Variants in PLCH2 observed in about 807,000 individuals in gnomAD.
PLCH2 encodes the protein phospholipase C eta 2.
A neutral mutation model predicts 134.7 loss-of-function variants in PLCH2; 98 were observed. The ratio of observed to expected loss-of-function variants is 0.73; its 90% CI spans 0.62 to 0.86. PLCH2 has a LOEUF of 0.86. PLCH2 is among the 40% of genes least tolerant of loss of function. The pLI, the probability that PLCH2 is intolerant of heterozygous loss-of-function variation, is 0.00. For missense variants in PLCH2, 1,994 were observed against 1,986.6 expected (o/e 1.00, Z -0.07); for synonymous variants, 974 against 827.5 (o/e 1.18, Z -3.04).
At chr1:2,481,300 T>G (rs1471115788) in intron 4 of PLCH2, among the ~76,000 whole-genome samples, 1 of 152,226 alleles carries the variant, frequency 6.6e-6, no homozygotes, top group African/African-American at 2.4e-5. Context: ...CTCTGGGGAC[T>G]GCCCGGGGCT....
At chr1:2,436,438 T>A (rs201004008) in intron 2 of PLCH2, among the ~76,000 whole-genome samples, 266 of 21,290 alleles carry the variant, frequency 0.012, 58 homozygotes, top group East Asian at 0.063. Context: ...TTCTCCCTCC[T>A]CCCTTCCTCC....
At chr1:2,436,764 G>A (rs1207536917) in intron 2 of PLCH2, among the ~76,000 whole-genome samples, 1 of 152,234 alleles carries the variant, frequency 6.6e-6, no homozygotes, top group South Asian at 2.1e-4. Context: ...CTGGCACTGA[G>A]TGGGCATATG....
At chr1:2,499,886 G>A in intron 20 of PLCH2, 166 bp downstream of exon 20, 1 of 641,468 alleles carries the variant, frequency 1.6e-6, no homozygotes, top group Non-Finnish European at 2.8e-6. Flanking sequence ...GCTGCTGTGG[G>A]GGCCTGGCTC....
intron 11 of PLCH2, among the ~76,000 whole-genome samples, chr1:2,492,789 G>A (rs969098315): frequency 1.5e-4 from 23 of 152,114 alleles, no homozygotes; most frequent in African/African-American, 4.8e-4. Context: ...GTGCCTCTCT[G>A]TCCCCCTGGG....
chr1:2,496,732 G>C, intron 14 of PLCH2, 28 bp downstream of exon 14: 1 of 1,608,764 alleles, frequency 6.2e-7, no homozygotes, highest in Non-Finnish European at 8.5e-7. Context: ...CTGGGGCCAC[G>C]GGCGGAGGCC....
upstream of PLCH2, among the ~76,000 whole-genome samples, chr1:2,462,882 G>A (rs1045520347): frequency 6.6e-6 from 1 of 152,174 alleles, no homozygotes; most frequent in Non-Finnish European, 1.5e-5. Flanking sequence ...GGTGGATCTG[G>A]CCCTTCGAGG....
chr1:2,479,869 T>G lies in PLCH2; in HGVS notation c.407T>G (p.Val136Gly). The change falls in exon 3 of 22, where the codon GTC (valine) becomes GGC (glycine). Residue 136 changes from valine to glycine, a missense_variant. By Grantham distance (109) the Val-to-Gly change is moderately radical (BLOSUM62 -3). Coordinates refer to ENST00000378486, the MANE Select transcript of PLCH2 (RefSeq NM_014638.4). Reference protein sequence around the residue: ...HGSHRESLDLVSTSSEVARTW... With the variant: ...HGSHRESLDLGSTSSEVARTW... ...AGCCACCGCGAGTCGCTGGACCTGG[T>G]CTCCACCAGCAGCGAGGTGGCGCGC... 1.2e-6 allele frequency: 2 copies of G among 1,611,586 alleles called. No individual in the cohort carries two copies. The highest frequency in any genetic ancestry group is 1.7e-6 in the Non-Finnish European group (2 of 1,179,500).
At chr1:2,443,540 G>T (rs1639787253) in intron 2 of PLCH2, among the ~76,000 whole-genome samples, 1 of 152,110 alleles carries the variant, frequency 6.6e-6, no homozygotes, top group Admixed American at 6.5e-5. Flanking sequence ...AAGGCCGCAG[G>T]AGCATCTTTG....
the PLCH2 span, among the ~76,000 whole-genome samples, chr1:2,418,759 G>A: frequency 3.3e-5 from 5 of 152,154 alleles, no homozygotes; most frequent in African/African-American, 1.2e-4. Flanking sequence ...CGTGTGCTCC[G>A]CAGACACCTG....
chr1:2,446,112 C>T (rs1376188638), intron 2 of PLCH2, among the ~76,000 whole-genome samples: 1 of 152,248 alleles, frequency 6.6e-6, no homozygotes, highest in Non-Finnish European at 1.5e-5. Context: ...TCCTGCTTCC[C>T]TGTCCACTGC....
chr1:2,483,785 T>TTGGGGGGGCGCTGACCCCCGTG lies in PLCH2; in HGVS notation c.646-656_646-635dup, dbSNP rs1642110190. On this transcript the variant is annotated intron_variant, in intron 4 of 21. Transcript: ENST00000378486. Reference sequence around the variant, plus strand: ...CGTTTGGGGGGGCGCTGACCCCCGTTTGGGGGGGCGCTGACCCCCGTGTGG... The same window carrying TTGGGGGGGCGCTGACCCCCGTG: ...CGTTTGGGGGGGCGCTGACCCCCGTTTGGGGGGGCGCTGACCCCCGTGTGGGGGGGCGCTGACCCCCGTGTGG... 3.7e-5 allele frequency among the ~76,000 whole-genome samples: 3 copies of TTGGGGGGGCGCTGACCCCCGTG among 81,016 alleles called. 1 individual carries two copies. Among genetic ancestry groups the TTGGGGGGGCGCTGACCCCCGTG allele is most frequent in the Non-Finnish European group, 5.1e-5 (2 of 38,904 alleles). The allele number at this position is 81,016 out of a possible 152,430, so 53.1% of individuals were successfully genotyped here.
At position 2,503,986 on chromosome 1, in the gene PLCH2, G is replaced by A. The variant is rs1643386666; in HGVS notation, c.3024G>A (p.Glu1008=). 4.6e-6 allele frequency: 7 copies of A among 1,523,158 alleles called. No individual in the cohort carries two copies. Among genetic ancestry groups the A allele is most frequent in the Admixed American group, 2.0e-5 (1 of 50,660 alleles). The allele number at this position is 1,523,158 out of a possible 1,614,324, so 94.4% of individuals were successfully genotyped here. A position where few individuals can be genotyped will look rare whatever the true frequency, so the allele number is the denominator to read the frequency against. ...PPLCSLETIA[E]EPAPGPGPPP... ...TGTGCAGCCTGGAAACCATCGCTGAGGAGCCCGCCCCAGGCCCTGGTCCCC... is the reference window on the plus strand; with the variant it reads ...TGTGCAGCCTGGAAACCATCGCTGAAGAGCCCGCCCCAGGCCCTGGTCCCC... Residue 1008 remains glutamate (E), a synonymous_variant, in exon 22 of 22, where the codon GAG becomes GAA. Transcript: ENST00000378486.
Position 2,494,923 on chromosome 1 carries a change from T to C in PLCH2, c.1727T>C (p.Val576Ala). The C allele has an allele frequency of 6.2e-7, 1 of 1,600,446 alleles. No individual in the cohort carries two copies. Reference sequence around the variant, plus strand: ...GCCAGCAGACGCAATGGCCGCCTCGTCGTGGGAAGCTTCTCCAGGCGCAAG... The same window carrying C: ...GCCAGCAGACGCAATGGCCGCCTCGCCGTGGGAAGCTTCTCCAGGCGCAAG... ...AGASRRNGRL[V>A]VGSFSRRKKK... Residue 576 changes from valine to alanine, a missense_variant, in exon 12 of 22, where the codon GTC becomes GCC. Val to Ala is a moderately conservative substitution (Grantham distance 64). Transcript: ENST00000378486.
chr1:2,502,169 C>G lies in PLCH2; in HGVS notation c.2719C>G (p.Leu907Val), dbSNP rs946429706. ...CCTCCGAGGCCCAAAGCCCGGCTCG[C>G]TGGACAGTCATGCTGCTGGGCGGCC... is the stretch of plus-strand genomic sequence containing the variant. ...LFLRGPKPGS[L>V]DSHAAGRPPA... The change falls in exon 21 of 22, where the codon CTG becomes GTG. Residue 907 changes from leucine to valine, a missense_variant. This residue lies in a region of PLCH2 where 900 missense variants were observed against 752.3 expected (regional missense o/e 1.20). Transcript: ENST00000378486. 1.3e-5 allele frequency: 20 copies of G among 1,511,576 alleles called. No individual in the cohort carries two copies. The highest frequency in any genetic ancestry group is 1.8e-5 in the Non-Finnish European group (20 of 1,133,446). The allele number at this position is 1,511,576 out of a possible 1,614,324, so 93.6% of individuals were successfully genotyped here.
chr1:2,486,227 C>T (rs1010106999), intron 5 of PLCH2, among the ~76,000 whole-genome samples: 1 of 152,198 alleles, frequency 6.6e-6, no homozygotes, highest in African/African-American at 2.4e-5. Context: ...ACCCTCTGTG[C>T]ACTCAGGAGC....
chr1:2,443,388 C>T (rs551487857), intron 2 of PLCH2, among the ~76,000 whole-genome samples: 3 of 152,282 alleles, frequency 2.0e-5, no homozygotes, highest in African/African-American at 7.2e-5. Flanking sequence ...GTCGCCGGGG[C>T]CCCTGTCTTG....
intron 2 of PLCH2, among the ~76,000 whole-genome samples, chr1:2,432,934 C>G (rs779676096): frequency 6.6e-6 from 1 of 152,190 alleles, no homozygotes; most frequent in African/African-American, 2.4e-5. Context: ...GGTGCACACA[C>G]GGGCTGGGTG....
chr1:2,499,810 T>C, intron 20 of PLCH2, 90 bp downstream of exon 20: 1 of 1,044,816 alleles, frequency 9.6e-7, no homozygotes, highest in African/African-American at 1.6e-5. Flanking sequence ...CAGTGCTGGG[T>C]CCTGAACTCA....
upstream of PLCH2, among the ~76,000 whole-genome samples, chr1:2,472,637 C>T (rs993163185): frequency 1.2e-4 from 18 of 152,324 alleles, no homozygotes; most frequent in South Asian, 4.1e-4. Flanking sequence ...CAATGCCAGC[C>T]GGGCCCAGGC....
Sources: gnomAD v4.1 joint callset for allele counts (sites outside exome capture counted in the v4.1 genomes callset) on GRCh38, gnomAD v4.1.1 for gene constraint, gnomAD v4.1.1 regional missense constraint, MANE v1.5 for transcripts, NCBI Gene and HGNC (gene_info 2026-07-23, HGNC 2026-07-21) for gene names.